The following SLC12A6 variants were observed in gnomAD, a reference collection of about 807,000 sequenced individuals.
The protein encoded by SLC12A6 is K-Cl cotransporter 3.
Under a neutral mutation model 135.3 loss-of-function variants are expected in SLC12A6, and 66 were observed. The observed-to-expected ratio is 0.49, with a 90% CI of 0.40 to 0.60. The LOEUF (loss-of-function observed/expected upper bound fraction) is 0.60, where lower values mean the gene tolerates loss of function less well. Ranked by LOEUF, SLC12A6 falls within the 20% of genes least tolerant of loss-of-function variation. The pLI, the probability that SLC12A6 is intolerant of heterozygous loss-of-function variation, is 0.00. For synonymous variants in SLC12A6, 513 were observed against 508.8 expected, an observed-to-expected ratio of 1.01 and a Z score of -0.11; for missense variants, 1,058 against 1,452.3, an observed-to-expected ratio of 0.73 and a Z score of 4.41.
intron 20 of SLC12A6, 82 bp from the exon 21 acceptor site, chr15:34,238,483 C>T (rs1446444209): frequency 2.9e-6 from 3 of 1,045,228 alleles, no homozygotes; most frequent in Non-Finnish European, 4.4e-6. Flanking sequence ...AGGAAATGCT[C>T]TTTTCACACT....
At chr15:34,287,015 T>A (rs1895133234) in intron 2 of SLC12A6, among the ~76,000 whole-genome samples, 2 of 152,096 alleles carry the variant, frequency 1.3e-5, no homozygotes, top group African/African-American at 4.8e-5. Context: ...TTAAATACTT[T>A]AAGTTCTGGG....
At chr15:34,330,462 C>T (rs1212848264) in intron 2 of SLC12A6, among the ~76,000 whole-genome samples, 3 of 151,974 alleles carry the variant, frequency 2.0e-5, no homozygotes, top group East Asian at 1.9e-4. Context: ...TGCTTGAATG[C>T]AGGAGTTCGA....
intron 13 of SLC12A6, among the ~76,000 whole-genome samples, 196 bp downstream of exon 13, chr15:34,250,102 G>T (rs1046713369): frequency 7.2e-5 from 11 of 152,224 alleles, no homozygotes; most frequent in East Asian, 3.9e-4. Context: ...ACAGGGTTTT[G>T]CCATGTTGCA....
intron 19 of SLC12A6, among the ~76,000 whole-genome samples, 156 bp downstream of exon 19, chr15:34,240,502 CTTA>C (rs1891568596): frequency 1.3e-5 from 2 of 152,128 alleles, no homozygotes; most frequent in Admixed American, 1.3e-4. Context: ...TTTGGCTCAT[CTTA>C]TTATTTGGGA....
intron 2 of SLC12A6, among the ~76,000 whole-genome samples, chr15:34,309,136 G>T (rs1027907618): frequency 1.3e-5 from 2 of 152,114 alleles, no homozygotes; most frequent in Non-Finnish European, 2.9e-5. Flanking sequence ...CTCAACAATG[G>T]TAGTTGGTAT....
chr15:34,300,628 A>C (rs1205758436), intron 2 of SLC12A6, among the ~76,000 whole-genome samples: 2 of 151,542 alleles, frequency 1.3e-5, no homozygotes, highest in Non-Finnish European at 2.9e-5. Context: ...CTCCACACAC[A>C]CCCAAAAGTT....
At chr15:34,238,703 T>C (rs1246300533) in intron 20 of SLC12A6, 4 of 599,812 alleles carry the variant, frequency 6.7e-6, no homozygotes, top group Non-Finnish European at 1.2e-5. Flanking sequence ...AGAACATCAA[T>C]ATGGAAAATC....
chr15:34,280,922 G>A (rs144727061), intron 2 of SLC12A6, among the ~76,000 whole-genome samples: 169 of 152,166 alleles, frequency 1.1e-3, no homozygotes, highest in African/African-American at 4.0e-3. Context: ...AGTGAAATAA[G>A]CCAGGAACAG....
intron 13 of SLC12A6, among the ~76,000 whole-genome samples, 185 bp downstream of exon 13, chr15:34,250,113 C>T (rs1892282110): frequency 6.6e-6 from 1 of 152,206 alleles, no homozygotes; most frequent in South Asian, 2.1e-4. Flanking sequence ...CCATGTTGCA[C>T]AGGCTGGTCT....
At chr15:34,241,166 A>T in intron 18 of SLC12A6, 67 bp downstream of exon 18, 1 of 873,958 alleles carries the variant, frequency 1.1e-6, no homozygotes, top group Non-Finnish European at 1.9e-6. Flanking sequence ...CTTATCCTAA[A>T]ATCAACAAAA....
intron 3 of SLC12A6, among the ~76,000 whole-genome samples, chr15:34,264,781 A>C (rs1893383425): frequency 6.6e-6 from 1 of 152,246 alleles, no homozygotes; most frequent in Non-Finnish European, 1.5e-5. Flanking sequence ...TGGGTGATGC[A>C]TTCATAAAAG....
At chr15:34,253,781 C>A (rs569538312) in intron 9 of SLC12A6, among the ~76,000 whole-genome samples, 1 of 152,340 alleles carries the variant, frequency 6.6e-6, no homozygotes, top group East Asian at 1.9e-4. Flanking sequence ...AAAAGTGAGC[C>A]TGTGAGTCAC....
At chr15:34,261,625 G>C (rs143776706) in intron 3 of SLC12A6, among the ~76,000 whole-genome samples, 1 of 152,104 alleles carries the variant, frequency 6.6e-6, no homozygotes, top group Non-Finnish European at 1.5e-5. Context: ...AGTCACCTAA[G>C]TTTAGGAGGA....
In SLC12A6 at chr15:34,236,140, C is replaced by A. The variant is rs762351597; in HGVS notation, c.3102G>T (p.Glu1034Asp). Residue 1034 changes from glutamate (E) to aspartate (D), a missense_variant, in exon 24 of 26, where the codon GAG (glutamate) becomes GAT (aspartate). By Grantham distance (45) the Glu-to-Asp change is conservative (BLOSUM62 2). Transcript: ENST00000354181. The part of the protein sequence containing the change: ...MLRLTSIGSD[E>D]DEETETYQEK... ...CCTGATAGGTTTCTGTCTCTTCGTC[C>A]TCATCAGAGCCAATGCTGGTCAATC... 2.5e-6 allele frequency: 4 copies of A among 1,613,706 alleles called. No homozygotes were observed. Among genetic ancestry groups the A allele is most frequent in the Non-Finnish European group, 8.5e-7 (1 of 1,179,718 alleles).
intron 2 of SLC12A6, among the ~76,000 whole-genome samples, chr15:34,305,217 T>C (rs999815562): frequency 3.3e-5 from 5 of 152,186 alleles, no homozygotes; most frequent in South Asian, 2.1e-4. Flanking sequence ...GTGTTTTTCA[T>C]CACTGATCTC....
intron 2 of SLC12A6, among the ~76,000 whole-genome samples, chr15:34,303,833 A>G (rs765086527): frequency 5.3e-5 from 8 of 152,192 alleles, no homozygotes; most frequent in Admixed American, 2.6e-4. Flanking sequence ...TTGGTCTTGG[A>G]CTTTCCAGCC....
At chr15:34,260,425 A>AT (rs1180116270) in intron 4 of SLC12A6, among the ~76,000 whole-genome samples, 1 of 151,970 alleles carries the variant, frequency 6.6e-6, no homozygotes, top group Admixed American at 6.6e-5. Flanking sequence ...TGCCCGGCTA[A>AT]TTTTTTGTAG....
At chr15:34,252,714 T>C (rs1892478543) in intron 9 of SLC12A6, among the ~76,000 whole-genome samples, 1 of 152,224 alleles carries the variant, frequency 6.6e-6, no homozygotes, top group African/African-American at 2.4e-5. Context: ...GTGGTGGCAG[T>C]GAAGGAAGTC....
rs184053916 is a variant in SLC12A6, at chr15:34,236,822, T to A, written c.2935-7A>T. 2 of 1,546,630 alleles carry A rather than the reference T, an allele frequency of 1.3e-6. No individual in the cohort carries two copies. Among genetic ancestry groups the A allele is most frequent in the Admixed American group, 1.7e-5 (1 of 59,936 alleles). ...CTGATATATCACTGTCATGCTGCCATAGACATCACATAAAAGGGGCAAAAA... is the reference window on the plus strand; with the variant it reads ...CTGATATATCACTGTCATGCTGCCAAAGACATCACATAAAAGGGGCAAAAA... On this transcript the variant is annotated splice_polypyrimidine_tract_variant and splice_region_variant and intron_variant, in intron 22 of 25. Coordinates refer to ENST00000354181, the MANE Select transcript of SLC12A6 (RefSeq NM_001365088.1).
Sources: gnomAD v4.1 joint callset for allele counts (sites outside exome capture counted in the v4.1 genomes callset) on GRCh38, gnomAD v4.1.1 for gene constraint, MANE v1.5 for transcripts, NCBI Gene and HGNC (gene_info 2026-07-23, HGNC 2026-07-21) for gene names.